The following SYTL4 variants were observed in gnomAD, a reference collection of about 807,000 sequenced individuals.
SYTL4 encodes the protein synaptotagmin like 4, also known as synaptotagmin-like protein 4.
Under a neutral mutation model 52.7 loss-of-function variants are expected in SYTL4, and 16 were observed. The observed-to-expected ratio is 0.30, with a 90% CI of 0.21 to 0.46. The LOEUF is 0.46. SYTL4 is among the 20% of genes least tolerant of loss of function. The pLI is 1.00. For synonymous variants in SYTL4, 160 were observed against 186.6 expected, an observed-to-expected ratio of 0.86 and a Z score of 1.16; for missense variants, 423 against 519.9, an observed-to-expected ratio of 0.81 and a Z score of 1.81.
chrX:100,699,558 G>A (rs1348298683), intron 8 of SYTL4, among the ~76,000 whole-genome samples: 38 of 80,974 alleles, frequency 4.7e-4, no homozygotes, highest in African/African-American at 1.9e-3. Flanking sequence ...GCGCGATCTC[G>A]GCTCTCTACA....
At chrX:100,703,995 T>C (rs1233463649) in intron 3 of SYTL4, among the ~76,000 whole-genome samples, 1 of 112,839 alleles carries the variant, frequency 8.9e-6, no homozygotes, top group Non-Finnish European at 1.9e-5. Flanking sequence ...TTTTTACATA[T>C]ATCTTCCATT....
intron 2 of SYTL4, among the ~76,000 whole-genome samples, chrX:100,706,586 T>G (rs1022255473): frequency 6.2e-5 from 7 of 112,313 alleles, no homozygotes; most frequent in Middle Eastern, 4.6e-3. Flanking sequence ...CAAAGGTAAG[T>G]GCAGAAAAAA....
At chrX:100,730,103 C>G (rs1374115697) in intron 2 of SYTL4, among the ~76,000 whole-genome samples, 2 of 110,704 alleles carry the variant, frequency 1.8e-5, no homozygotes, top group Non-Finnish European at 3.8e-5. Context: ...GAAGTTGAGT[C>G]AGGCACACAT....
At chrX:100,686,328 A>C in intron 15 of SYTL4, 177 bp from the exon 16 acceptor site, 3 of 441,801 alleles carry the variant, frequency 6.8e-6, no homozygotes, top group Non-Finnish European at 1.1e-5. Flanking sequence ...TCATTTTATA[A>C]AAACCTACCA....
At chrX:100,720,087 T>C (rs994804065) in intron 2 of SYTL4, among the ~76,000 whole-genome samples, 7 of 111,826 alleles carry the variant, frequency 6.3e-5, no homozygotes, top group Admixed American at 9.5e-5. Context: ...TAAAATATTA[T>C]AAAGACCATG....
In SYTL4 at chrX:100,687,240, C is replaced by A. The variant is rs775260521; in HGVS notation, c.1011G>T (p.Thr337=). 1.7e-6 allele frequency: 2 copies of A among 1,209,886 alleles called. No homozygotes were observed. Among genetic ancestry groups the A allele is most frequent in the Non-Finnish European group, 1.1e-6 (1 of 894,422 alleles). The change falls in exon 14 of 20, where the codon ACG becomes ACT. Residue 337 remains threonine (T), a synonymous_variant. Coordinates refer to ENST00000372989, the MANE Select transcript of SYTL4 (RefSeq NM_001370165.1). ...SSMQSGSSMS[T]IGSMMSIYSE... Reference sequence around the variant, plus strand: ...TGTAGATGCTCATCATGCTGCCGATCGTACTCTGAAGATAAAGCACCCACG... The same window carrying A: ...TGTAGATGCTCATCATGCTGCCGATAGTACTCTGAAGATAAAGCACCCACG...
intron 19 of SYTL4, among the ~76,000 whole-genome samples, chrX:100,677,141 CT>C (rs1313226590): frequency 1.8e-5 from 2 of 112,040 alleles, no homozygotes; most frequent in Non-Finnish European, 3.8e-5. Flanking sequence ...GGTCTGAGGA[CT>C]CTCTGAGAAG....
At chrX:100,686,221 C>A in intron 15 of SYTL4, 70 bp from the exon 16 acceptor site, 1 of 1,036,702 alleles carries the variant, frequency 9.6e-7, no homozygotes. Context: ...TATTCCAAAA[C>A]CTGAGCAACC....
intron 19 of SYTL4, 100 bp from the exon 20 acceptor site, chrX:100,676,276 C>G: frequency 1.1e-6 from 1 of 937,176 alleles, no homozygotes; most frequent in Non-Finnish European, 1.5e-6. Context: ...TAACAGTTTC[C>G]TACGAAGATG....
chrX:100,693,692 C>T (rs897335215), intron 8 of SYTL4, among the ~76,000 whole-genome samples: 1 of 112,170 alleles, frequency 8.9e-6, no homozygotes, highest in Admixed American at 9.4e-5. Flanking sequence ...TGGGTACCTA[C>T]CCAACAGAAC....
intron 8 of SYTL4, among the ~76,000 whole-genome samples, chrX:100,698,550 T>C (rs763867314): frequency 8.9e-6 from 1 of 112,175 alleles, no homozygotes; most frequent in Admixed American, 9.4e-5. Flanking sequence ...CACAGTTACA[T>C]TCAATGGAAG....
At chrX:100,679,209 G>A (rs1313122581) in intron 18 of SYTL4, 104 bp downstream of exon 18, 11 of 629,883 alleles carry the variant, frequency 1.7e-5, no homozygotes, top group Non-Finnish European at 2.7e-5. Flanking sequence ...TTGGTTGCCG[G>A]GAGTGGTAAG....
chrX:100,698,066 C>G (rs2083740077), intron 8 of SYTL4, among the ~76,000 whole-genome samples: 1 of 111,942 alleles, frequency 8.9e-6, no homozygotes, highest in Non-Finnish European at 1.9e-5. Context: ...GAATGATCAC[C>G]ATTGAGTTAC....
intron 2 of SYTL4, among the ~76,000 whole-genome samples, chrX:100,722,194 A>T (rs1186335236): frequency 9.0e-6 from 1 of 111,215 alleles, no homozygotes; most frequent in African/African-American, 3.3e-5. Flanking sequence ...AGCTCTTCTA[A>T]GCCCAACTGT....
intron 19 of SYTL4, among the ~76,000 whole-genome samples, chrX:100,677,553 G>A (rs1419963613): frequency 8.9e-6 from 1 of 112,067 alleles, no homozygotes; most frequent in African/African-American, 3.2e-5. Context: ...AGAGGGCAAA[G>A]AAGAGGATCC....
At chrX:100,716,422 C>T (rs182039294) in intron 2 of SYTL4, among the ~76,000 whole-genome samples, 2 of 82,805 alleles carry the variant, frequency 2.4e-5, no homozygotes, top group African/African-American at 9.2e-5. Context: ...TGCACTCCAG[C>T]CTGGGCAACA....
chrX:100,688,273 C>T (rs758006000), intron 13 of SYTL4, 78 bp downstream of exon 13: 7 of 850,258 alleles, frequency 8.2e-6, no homozygotes, highest in African/African-American at 6.1e-5. Context: ...CCCCAGGTCC[C>T]GAATCTGCTC....
intron 8 of SYTL4, 55 bp downstream of exon 8, chrX:100,700,842 A>G: frequency 1.1e-6 from 1 of 909,483 alleles, no homozygotes; most frequent in Non-Finnish European, 1.6e-6. Flanking sequence ...AAAGAATAGT[A>G]AAAGAATTAA....
chrX:100,675,379 T>C lies in SYTL4; in HGVS notation c.*649A>G, dbSNP rs2083259272. 1 of 112,647 alleles carries C rather than the reference T, an allele frequency of 8.9e-6. No individual in the cohort carries two copies. Among genetic ancestry groups the C allele is most frequent in the African/African-American group, 3.2e-5 (1 of 30,896 alleles). The allele number at this position is 112,647 out of a possible 1,213,427, so 9.3% of individuals were successfully genotyped here. The stretch of plus-strand genomic sequence containing the variant: ...CCCCCAAAGGTCTAGTAAAGATATC[T>C]AGAACTGGAAAAAGCTTGGGAATTC... On this transcript the variant is annotated 3_prime_UTR_variant, in exon 20 of 20. Coordinates refer to ENST00000372989, the MANE Select transcript of SYTL4 (RefSeq NM_001370165.1).
Sources: gnomAD v4.1 joint callset for allele counts (sites outside exome capture counted in the v4.1 genomes callset) on GRCh38, gnomAD v4.1.1 for gene constraint, MANE v1.5 for transcripts, NCBI Gene and HGNC (gene_info 2026-07-23, HGNC 2026-07-21) for gene names.